ALK: variants seen among roughly 807,000 people sequenced by gnomAD.
The protein encoded by ALK is ALK receptor tyrosine kinase.
A neutral mutation model predicts 163.1 loss-of-function variants in ALK; 74 were observed. The observed-to-expected ratio is 0.45, with a 90% CI of 0.38 to 0.55. ALK has a LOEUF of 0.55. ALK is among the 20% of genes least tolerant of loss of function. The pLI is 0.00. For synonymous variants in ALK, 960 were observed against 843.2 expected (o/e 1.14, Z -2.40); for missense variants, 2,063 against 2,105.3 (o/e 0.98, Z 0.39).
chr2:29,384,702 G>A (rs1365629745), intron 4 of ALK, among the ~76,000 whole-genome samples: 2 of 152,034 alleles, frequency 1.3e-5, no homozygotes, highest in Admixed American at 6.6e-5. Context: ...AGTGGTTTGT[G>A]TGTAAAATAA....
intron 2 of ALK, among the ~76,000 whole-genome samples, chr2:29,705,235 AAAGAAATATAT>A (rs1280606174): frequency 8.8e-5 from 10 of 114,162 alleles, no homozygotes; most frequent in South Asian, 3.1e-4. Context: ...AAAGAAAAGA[AAAGAAATATAT>A]ATATATATAT....
intron 1 of ALK, among the ~76,000 whole-genome samples, chr2:29,777,545 C>A (rs1192221907): frequency 6.6e-6 from 1 of 152,160 alleles, no homozygotes; most frequent in Non-Finnish European, 1.5e-5. Context: ...CATGCAGCAA[C>A]TTCTCGCTGA....
chr2:29,438,659 G>C (rs527744913), intron 4 of ALK, among the ~76,000 whole-genome samples: 57 of 152,274 alleles, frequency 3.7e-4, no homozygotes, highest in African/African-American at 1.4e-3. Context: ...GATCCCACCT[G>C]ACCTTCAGAG....
intron 3 of ALK, among the ~76,000 whole-genome samples, chr2:29,585,337 T>C (rs1674850962): frequency 7.3e-6 from 1 of 136,966 alleles, no homozygotes; most frequent in Non-Finnish European, 1.6e-5. Context: ...ATTATTACTA[T>C]TTTTTTGAGA....
chr2:29,225,188 T>C (rs1039197717), intron 19 of ALK, among the ~76,000 whole-genome samples: 24 of 152,136 alleles, frequency 1.6e-4, no homozygotes, highest in African/African-American at 5.3e-4. Context: ...TGATGGACAC[T>C]GAAGGAGCTC....
At chr2:29,802,522 GGGAGAGGAGGGGAGA>G (rs1558494865) in intron 1 of ALK, among the ~76,000 whole-genome samples, 2 of 6,266 alleles carry the variant, frequency 3.2e-4, no homozygotes, top group African/African-American at 4.3e-4. Context: ...GGGAGGGGAG[GGGAGAGGAGGGGAGA>G]GGAGGGGAGG....
chr2:29,384,081 G>A (rs1451492202), intron 4 of ALK, among the ~76,000 whole-genome samples: 2 of 152,092 alleles, frequency 1.3e-5, no homozygotes, highest in Non-Finnish European at 1.5e-5. Context: ...TCCAATTCAC[G>A]AACCCAGTCT....
intron 1 of ALK, among the ~76,000 whole-genome samples, chr2:29,866,719 A>G (rs1338303623): frequency 6.6e-6 from 1 of 152,250 alleles, no homozygotes; most frequent in African/African-American, 2.4e-5. Context: ...CTTCGTAATT[A>G]AAGGGGTTGA....
In ALK at chr2:29,328,219, C is replaced by A. The variant is rs2148257983; in HGVS notation, c.1414+131G>T. 4.5e-6 allele frequency: 6 copies of A among 1,325,600 alleles called. No individual in the cohort carries two copies. In the East Asian group the frequency reaches 1.4e-4, roughly 31 times the overall value. The allele number at this position is 1,325,600 out of a possible 1,614,324, so 82.1% of individuals were successfully genotyped here. A position where few individuals can be genotyped will look rare whatever the true frequency, so the allele number is the denominator to read the frequency against. ...CCTCTTGAAGACTGTGTGGCTTTGC[C>A]ATGAGAGGAGTCACAAGTGTCAGTG... On this transcript the variant is annotated intron_variant, in intron 6 of 28. Coordinates refer to ENST00000389048, the MANE Select transcript of ALK (RefSeq NM_004304.5).
At chr2:29,443,792 A>T (rs1670603345) in intron 4 of ALK, among the ~76,000 whole-genome samples, 1 of 152,180 alleles carries the variant, frequency 6.6e-6, no homozygotes. Flanking sequence ...ATCAGGAAGG[A>T]AGAGGAGGCT....
chr2:29,658,577 A>C (rs574151903), intron 3 of ALK, among the ~76,000 whole-genome samples: 5 of 152,334 alleles, frequency 3.3e-5, no homozygotes, highest in African/African-American at 1.2e-4. Context: ...ATGGGAGAGC[A>C]AGGGCTGCAA....
intron 3 of ALK, among the ~76,000 whole-genome samples, chr2:29,595,083 CCAGAT>C (rs1319150990): frequency 6.6e-6 from 1 of 152,040 alleles, no homozygotes; most frequent in Non-Finnish European, 1.5e-5. Flanking sequence ...AATCCTCCTC[CCAGAT>C]GTCTTTTCAT....
At chr2:29,740,280 A>G (rs558729097) in intron 1 of ALK, among the ~76,000 whole-genome samples, 1 of 152,216 alleles carries the variant, frequency 6.6e-6, no homozygotes, top group African/African-American at 2.4e-5. Flanking sequence ...ATATAGTAGG[A>G]GAGCGGATAT....
intron 3 of ALK, among the ~76,000 whole-genome samples, chr2:29,596,441 C>A (rs1355720686): frequency 6.6e-6 from 1 of 152,226 alleles, no homozygotes; most frequent in Non-Finnish European, 1.5e-5. Flanking sequence ...TTTCCCCAAA[C>A]CATCTTTCCT....
intron 1 of ALK, among the ~76,000 whole-genome samples, chr2:29,904,700 A>T (rs1044122352): frequency 1.3e-5 from 2 of 152,234 alleles, no homozygotes; most frequent in Non-Finnish European, 2.9e-5. Flanking sequence ...TATTAGCTTA[A>T]GAATGTCTGG....
At chr2:29,418,762 C>T (rs1669943707) in intron 4 of ALK, among the ~76,000 whole-genome samples, 1 of 152,110 alleles carries the variant, frequency 6.6e-6, no homozygotes, top group African/African-American at 2.4e-5. Flanking sequence ...TTTAGTCTTT[C>T]TTTTTAAATT....
intron 3 of ALK, among the ~76,000 whole-genome samples, chr2:29,541,581 A>C (rs1673414532): frequency 6.6e-6 from 1 of 152,204 alleles, no homozygotes; most frequent in South Asian, 2.1e-4. Context: ...GTGAGCCACC[A>C]CACATGGCCA....
At chr2:29,457,411 G>T (rs1410099249) in intron 4 of ALK, among the ~76,000 whole-genome samples, 1 of 152,088 alleles carries the variant, frequency 6.6e-6, no homozygotes, top group Admixed American at 6.6e-5. Flanking sequence ...GCTTTCAGGG[G>T]ATAATTCCAA....
In ALK at chr2:29,209,820, T is replaced by A. The variant is rs1669415629; in HGVS notation, c.3802A>T (p.Ile1268Phe). Residue 1268 changes from isoleucine to phenylalanine, a missense_variant, in exon 25 of 29, where the codon ATT (isoleucine) becomes TTT (phenylalanine). Physicochemically the swap from Ile to Phe is conservative, Grantham distance 21. This residue lies in a region of ALK where 83 missense variants were observed against 139.7 expected (regional missense o/e 0.59). Coordinates refer to ENST00000389048, the MANE Select transcript of ALK (RefSeq NM_004304.5). ...TCTCGGGCCATCCCGAAGTCTCCAATCTTGGCCACTCTTCCAGGGCCTGGA... is the reference window on the plus strand; with the variant it reads ...TCTCGGGCCATCCCGAAGTCTCCAAACTTGGCCACTCTTCCAGGGCCTGGA... ...TCPGPGRVAKIGDFGMARDIY... is the reference protein window; with the variant it reads ...TCPGPGRVAKFGDFGMARDIY... 1.2e-6 allele frequency: 2 copies of A among 1,614,144 alleles called. No individual in the cohort carries two copies. Among genetic ancestry groups the A allele is most frequent in the Non-Finnish European group, 1.7e-6 (2 of 1,180,012 alleles).
Sources: allele counts gnomAD v4.1 joint callset (sites outside exome capture counted in the v4.1 genomes callset), GRCh38; gene constraint gnomAD v4.1.1; regional missense constraint gnomAD v4.1.1; transcripts MANE v1.5; gene names NCBI Gene and HGNC (gene_info 2026-07-23, HGNC 2026-07-21).